CCDC192: variants seen among roughly 807,000 people sequenced by gnomAD.
CCDC192 encodes the protein coiled-coil domain containing 192.
At chr5:127,822,715 C>CA (rs1351265850) in intron 5 of CCDC192, among the ~76,000 whole-genome samples, 1 of 152,114 alleles carries the variant, frequency 6.6e-6, no homozygotes, top group Non-Finnish European at 1.5e-5. Flanking sequence ...CCAGGAAGGA[C>CA]AAAGATCATT....
At chr5:127,900,390 GAT>G (rs751388222) in intron 6 of CCDC192, among the ~76,000 whole-genome samples, 83 of 152,228 alleles carry the variant, frequency 5.5e-4, no homozygotes, top group East Asian at 3.7e-3. Context: ...CAGATTCAAG[GAT>G]ATAGGATGAG....
At chr5:127,851,804 A>C (rs900286350) in intron 5 of CCDC192, among the ~76,000 whole-genome samples, 4 of 152,110 alleles carry the variant, frequency 2.6e-5, no homozygotes, top group African/African-American at 9.7e-5. Flanking sequence ...CTTCCTGTCA[A>C]CACTTGAACA....
intron 2 of CCDC192, among the ~76,000 whole-genome samples, chr5:127,745,338 AAAT>A (rs1021636132): frequency 6.6e-6 from 1 of 152,232 alleles, no homozygotes; most frequent in Non-Finnish European, 1.5e-5. Flanking sequence ...TAAAATTAGA[AAAT>A]AATATGCAAA....
chr5:127,856,428 A>G (rs1394661319), intron 5 of CCDC192, among the ~76,000 whole-genome samples: 1 of 151,988 alleles, frequency 6.6e-6, no homozygotes, highest in Non-Finnish European at 1.5e-5. Flanking sequence ...GACTACTCAC[A>G]TTTTCTCCAT....
chr5:127,830,014 A>C (rs1749712976), intron 5 of CCDC192, among the ~76,000 whole-genome samples: 1 of 152,214 alleles, frequency 6.6e-6, no homozygotes, highest in African/African-American at 2.4e-5. Flanking sequence ...TTTAGTACCT[A>C]CTTTATATTC....
chr5:127,744,555 A>G (rs530721110), intron 2 of CCDC192, among the ~76,000 whole-genome samples: 1 of 152,354 alleles, frequency 6.6e-6, no homozygotes, highest in Admixed American at 6.5e-5. Context: ...ATGCTCTTCC[A>G]CAATGGTGAA....
chr5:127,788,034 A>T (rs1021345439), intron 3 of CCDC192, among the ~76,000 whole-genome samples: 33 of 147,500 alleles, frequency 2.2e-4, no homozygotes, highest in African/African-American at 7.8e-4. Flanking sequence ...GTGAGCCAAG[A>T]TCACACCACT....
intron 5 of CCDC192, among the ~76,000 whole-genome samples, chr5:127,867,916 C>T (rs1264579221): frequency 6.6e-6 from 1 of 152,072 alleles, no homozygotes; most frequent in Admixed American, 6.6e-5. Context: ...AGTAGAACCT[C>T]CTTAATCTCA....
At chr5:127,822,940 C>T (rs1322527018) in intron 5 of CCDC192, among the ~76,000 whole-genome samples, 1 of 152,132 alleles carries the variant, frequency 6.6e-6, no homozygotes, top group African/African-American at 2.4e-5. Context: ...TCTTGTGGTT[C>T]CAGGTCTTAA....
In CCDC192 at chr5:127,856,698, T is replaced by C. The variant is rs560528612; in HGVS notation, c.412-18840T>C. ...GCCATTGTAGGGTTATTGATTGACC[T>C]AATTTCAGTATTCTTGTGTCTCAGG... On this transcript the variant is annotated intron_variant, in intron 5 of 6. Coordinates refer to ENST00000514853, the MANE Select transcript of CCDC192 (RefSeq NM_001317938.2). Among the ~76,000 whole-genome samples, 562 of 152,362 alleles carry C rather than the reference T, an allele frequency of 3.7e-3. 4 individuals carry two copies. The highest frequency in any genetic ancestry group is 5.6e-3 in the Admixed American group (85 of 15,306).
intron 6 of CCDC192, among the ~76,000 whole-genome samples, chr5:127,918,838 T>C (rs1043497184): frequency 7.0e-6 from 1 of 143,190 alleles, no homozygotes; most frequent in Non-Finnish European, 1.5e-5. Flanking sequence ...TGTCTCTCTG[T>C]GTGCATATAT....
chr5:127,880,338 A>C (rs953383637), intron 6 of CCDC192, among the ~76,000 whole-genome samples: 4 of 151,830 alleles, frequency 2.6e-5, no homozygotes, highest in Admixed American at 1.3e-4. Context: ...CATTCTCAGT[A>C]AACTATCCCA....
At chr5:127,790,579 C>A (rs146846768) in intron 3 of CCDC192, among the ~76,000 whole-genome samples, 17 of 152,206 alleles carry the variant, frequency 1.1e-4, no homozygotes, top group Non-Finnish European at 2.4e-4. Flanking sequence ...TATTTTTGTA[C>A]CGTTAACCAA....
At chr5:127,745,818 A>T (rs937212796) in intron 2 of CCDC192, among the ~76,000 whole-genome samples, 18 of 152,328 alleles carry the variant, frequency 1.2e-4, no homozygotes, top group African/African-American at 3.8e-4. Context: ...TACAAATTGC[A>T]TGTGTCCACA....
chr5:127,807,301 T>C (rs1048843867), intron 5 of CCDC192, among the ~76,000 whole-genome samples: 1 of 152,188 alleles, frequency 6.6e-6, no homozygotes, highest in Non-Finnish European at 1.5e-5. Context: ...TTATAGACAA[T>C]ACTAGGAAGT....
At chr5:127,761,839 T>C (rs749164274) in intron 3 of CCDC192, among the ~76,000 whole-genome samples, 10 of 152,204 alleles carry the variant, frequency 6.6e-5, no homozygotes, top group Non-Finnish European at 1.3e-4. Context: ...TAAGTTATGT[T>C]TGACTCTAAT....
At chr5:127,860,800 A>T (rs950252542) in intron 5 of CCDC192, among the ~76,000 whole-genome samples, 1 of 152,192 alleles carries the variant, frequency 6.6e-6, no homozygotes, top group Non-Finnish European at 1.5e-5. Context: ...CCTTCTTTTC[A>T]TACGTTAGAA....
intron 3 of CCDC192, among the ~76,000 whole-genome samples, chr5:127,767,362 G>T (rs1403970792): frequency 1.3e-5 from 2 of 152,204 alleles, no homozygotes; most frequent in African/African-American, 4.8e-5. Context: ...GAACGGTTGT[G>T]TAACTACAGG....
At chr5:127,884,079 G>A (rs1752460484) in intron 6 of CCDC192, among the ~76,000 whole-genome samples, 1 of 151,924 alleles carries the variant, frequency 6.6e-6, no homozygotes, top group Non-Finnish European at 1.5e-5. Context: ...CAGTAACAGA[G>A]GCATGATTTC....
Sources: gnomAD v4.1 joint callset for allele counts (sites outside exome capture counted in the v4.1 genomes callset) on GRCh38, gnomAD v4.1.1 for gene constraint, MANE v1.5 for transcripts, NCBI Gene and HGNC (gene_info 2026-07-23, HGNC 2026-07-21) for gene names.